Variants in PDZRN3 observed in about 807,000 individuals in gnomAD.
The protein encoded by PDZRN3 is PDZ domain containing ring finger 3, also known as E3 ubiquitin-protein ligase PDZRN3.
A neutral mutation model predicts 85.7 loss-of-function variants in PDZRN3; 38 were observed. The ratio of observed to expected loss-of-function variants is 0.44; its 90% CI spans 0.34 to 0.58. The LOEUF (loss-of-function observed/expected upper bound fraction) is 0.58. Among genes scored for constraint, PDZRN3 ranks in the 20% least tolerant of loss-of-function variants. PDZRN3 has a pLI of 0.01. For synonymous variants in PDZRN3, 759 were observed against 638.0 expected, an observed-to-expected ratio of 1.19 and a Z score of -2.86; for missense variants, 1,629 against 1,506.4, an observed-to-expected ratio of 1.08 and a Z score of -1.35.
intron 3 of PDZRN3, among the ~76,000 whole-genome samples, chr3:73,514,694 T>C (rs1704225769): frequency 6.6e-6 from 1 of 152,210 alleles, no homozygotes; most frequent in Non-Finnish European, 1.5e-5. Context: ...GCTGGTTCTA[T>C]AACCCAATTA....
At chr3:73,459,682 G>T (rs1474386549) in intron 3 of PDZRN3, among the ~76,000 whole-genome samples, 2 of 152,156 alleles carry the variant, frequency 1.3e-5, no homozygotes, top group Admixed American at 6.5e-5. Context: ...AAAAGACATG[G>T]TCTTCTTCTT....
At chr3:73,461,788 T>TC (rs2106866667) in intron 3 of PDZRN3, among the ~76,000 whole-genome samples, 1 of 152,228 alleles carries the variant, frequency 6.6e-6, no homozygotes, top group Non-Finnish European at 1.5e-5. Flanking sequence ...CAGCCTAGGT[T>TC]CCCCAAGGAC....
At chr3:73,542,907 C>A (rs944869465) in intron 3 of PDZRN3, among the ~76,000 whole-genome samples, 1 of 152,204 alleles carries the variant, frequency 6.6e-6, no homozygotes, top group African/African-American at 2.4e-5. Context: ...ACTTCAGGAA[C>A]CTCAAGCATC....
At chr3:73,609,670 A>C (rs1702653682) in intron 1 of PDZRN3, among the ~76,000 whole-genome samples, 1 of 152,204 alleles carries the variant, frequency 6.6e-6, no homozygotes, top group Admixed American at 6.5e-5. Context: ...TTTAAATATA[A>C]AATATTTAAT....
At chr3:73,452,796 C>A (rs1702891106) in intron 3 of PDZRN3, among the ~76,000 whole-genome samples, 2 of 149,900 alleles carry the variant, frequency 1.3e-5, no homozygotes, top group Non-Finnish European at 3.0e-5. Flanking sequence ...TTAAGATATT[C>A]ATGAGGCAAC....
intron 3 of PDZRN3, among the ~76,000 whole-genome samples, chr3:73,427,318 CAG>C (rs1477490156): frequency 1.3e-5 from 2 of 152,188 alleles, no homozygotes; most frequent in South Asian, 2.1e-4. Context: ...TTGTGGGCTT[CAG>C]AGAGTGAAGG....
chr3:73,549,096 T>G (rs1244513984), intron 3 of PDZRN3, among the ~76,000 whole-genome samples: 2 of 152,206 alleles, frequency 1.3e-5, no homozygotes, highest in African/African-American at 4.8e-5. Flanking sequence ...TCACTTTCTG[T>G]TGATAATAAT....
chr3:73,400,145 T>G (rs74498205), intron 5 of PDZRN3, among the ~76,000 whole-genome samples: 296 of 152,336 alleles, frequency 1.9e-3, no homozygotes, highest in African/African-American at 6.9e-3. Context: ...CAACATCAGG[T>G]GTCTTTTTAC....
At chr3:73,535,325 G>A (rs768330219) in intron 3 of PDZRN3, among the ~76,000 whole-genome samples, 37 of 152,154 alleles carry the variant, frequency 2.4e-4, no homozygotes, top group Non-Finnish European at 5.1e-4. Flanking sequence ...ACTTTGTGAT[G>A]ATCATGCATT....
chr3:73,481,904 C>G (rs966457321), intron 3 of PDZRN3, among the ~76,000 whole-genome samples: 2 of 152,166 alleles, frequency 1.3e-5, no homozygotes, highest in African/African-American at 4.8e-5. Context: ...CAGAAACCAT[C>G]CCTTCGCACC....
rs1703282239 is a variant in PDZRN3, at chr3:73,383,149, T to TTTGTTAATATTGCCTTCCAAGATAG, written c.*191_*215dup. On this transcript the variant is annotated 3_prime_UTR_variant, in exon 10 of 10. Transcript: ENST00000263666. ...CAATTGCTATTTGAAAAAAGCTCTG[T>TTTGTTAATATTGCCTTCCAAGATAG]TTGTTAATATTGCCTTCCAAGATAG... 1 of 480,496 alleles carries TTTGTTAATATTGCCTTCCAAGATAG rather than the reference T, an allele frequency of 2.1e-6. No individual in the cohort carries two copies. Among genetic ancestry groups the TTTGTTAATATTGCCTTCCAAGATAG allele is most frequent in the African/African-American group, 1.9e-5 (1 of 51,328 alleles). The allele number at this position is 480,496 out of a possible 1,614,324, so 29.8% of individuals were successfully genotyped here. A position where few individuals can be genotyped will look rare whatever the true frequency, so the allele number is the denominator to read the frequency against.
At chr3:73,451,886 G>A (rs1559686672) in intron 3 of PDZRN3, among the ~76,000 whole-genome samples, 1 of 151,966 alleles carries the variant, frequency 6.6e-6, no homozygotes, top group Non-Finnish European at 1.5e-5. Context: ...TATAAACAGA[G>A]ATTTAAAGAT....
intron 3 of PDZRN3, among the ~76,000 whole-genome samples, chr3:73,452,359 C>T (rs1475931480): frequency 6.6e-6 from 1 of 152,184 alleles, no homozygotes; most frequent in Non-Finnish European, 1.5e-5. Context: ...TTCTCTACCA[C>T]CAACATGATA....
At chr3:73,411,863 A>G (rs1389247975) in intron 3 of PDZRN3, among the ~76,000 whole-genome samples, 1 of 152,122 alleles carries the variant, frequency 6.6e-6, no homozygotes, top group Non-Finnish European at 1.5e-5. Context: ...ATCATGATAA[A>G]CCCAACAGTG....
At chr3:73,386,718 C>T (rs1420678172) in intron 8 of PDZRN3, among the ~76,000 whole-genome samples, 2 of 152,208 alleles carry the variant, frequency 1.3e-5, no homozygotes, top group African/African-American at 4.8e-5. Flanking sequence ...GATGGTATGG[C>T]CACCCAAGTC....
At chr3:73,447,716 C>T (rs1702778336) in intron 3 of PDZRN3, among the ~76,000 whole-genome samples, 1 of 152,146 alleles carries the variant, frequency 6.6e-6, no homozygotes, top group South Asian at 2.1e-4. Context: ...AGTTGCAGTC[C>T]AAAAAGATTA....
intron 3 of PDZRN3, among the ~76,000 whole-genome samples, chr3:73,521,826 GT>G (rs1704374283): frequency 1.3e-5 from 2 of 152,112 alleles, no homozygotes; most frequent in African/African-American, 4.8e-5. Flanking sequence ...CCTCAGAAAT[GT>G]TTGTTAAATA....
At chr3:73,474,563 G>C (rs1440594033) in intron 3 of PDZRN3, 1 of 1,285,726 alleles carries the variant, frequency 7.8e-7, no homozygotes, top group Non-Finnish European at 1.0e-6. Flanking sequence ...AGTGAAGCAA[G>C]GCAGCCTGCA....
intron 3 of PDZRN3, among the ~76,000 whole-genome samples, chr3:73,581,555 G>A (rs1029954318): frequency 6.6e-6 from 1 of 152,146 alleles, no homozygotes; most frequent in African/African-American, 2.4e-5. Context: ...CAGGACTATA[G>A]GAAATGGGTA....
Sources: gnomAD v4.1 joint callset for allele counts (sites outside exome capture counted in the v4.1 genomes callset) on GRCh38, gnomAD v4.1.1 for gene constraint, MANE v1.5 for transcripts, NCBI Gene and HGNC (gene_info 2026-07-23, HGNC 2026-07-21) for gene names.